ALK: variants seen among roughly 807,000 people sequenced by gnomAD.
The protein encoded by ALK is ALK receptor tyrosine kinase.
ALK carries 74 observed loss-of-function variants against 163.1 expected under a neutral mutation model. The observed-to-expected ratio is 0.45, with a 90% CI of 0.38 to 0.55. The LOEUF is 0.55. Among genes scored for constraint, ALK ranks in the 20% least tolerant of loss-of-function variants. The pLI, the probability that ALK is intolerant of heterozygous loss-of-function variation, is 0.00. For synonymous variants in ALK, 960 were observed against 843.2 expected (o/e 1.14, Z -2.40); for missense variants, 2,063 against 2,105.3 (o/e 0.98, Z 0.39).
At chr2:29,283,620 A>G (rs1665770628) in intron 9 of ALK, among the ~76,000 whole-genome samples, 3 of 152,114 alleles carry the variant, frequency 2.0e-5, no homozygotes, top group Admixed American at 6.5e-5. Context: ...AGTTTCAAAA[A>G]GTAGAGTGGA....
chr2:29,443,305 G>A (rs1670591133), intron 4 of ALK, among the ~76,000 whole-genome samples: 1 of 152,190 alleles, frequency 6.6e-6, no homozygotes, highest in Admixed American at 6.5e-5. Flanking sequence ...GAGAACCAAT[G>A]AGGAAAACAG....
intron 1 of ALK, among the ~76,000 whole-genome samples, chr2:29,729,907 A>G (rs1248155696): frequency 6.6e-6 from 1 of 152,226 alleles, no homozygotes; most frequent in Non-Finnish European, 1.5e-5. Flanking sequence ...ATTTTATTGC[A>G]TATTGGTTTG....
intron 1 of ALK, among the ~76,000 whole-genome samples, chr2:29,910,266 C>T (rs1667666799): frequency 6.6e-6 from 1 of 151,492 alleles, no homozygotes; most frequent in African/African-American, 2.4e-5. Flanking sequence ...GCACATTAGA[C>T]ACTATAGAAG....
At chr2:29,361,411 T>C (rs535437584) in intron 5 of ALK, among the ~76,000 whole-genome samples, 1 of 152,284 alleles carries the variant, frequency 6.6e-6, no homozygotes, top group South Asian at 2.1e-4. Context: ...TTCCTCCCCA[T>C]AACTGGATGC....
At chr2:29,717,368 C>A (rs1274945603) in intron 2 of ALK, among the ~76,000 whole-genome samples, 3 of 152,030 alleles carry the variant, frequency 2.0e-5, no homozygotes, top group African/African-American at 7.2e-5. Flanking sequence ...TGGCTCCCAC[C>A]AGGATACAGA....
At chr2:29,304,854 T>C (rs1666461304) in intron 8 of ALK, among the ~76,000 whole-genome samples, 1 of 152,218 alleles carries the variant, frequency 6.6e-6, no homozygotes, top group African/African-American at 2.4e-5. Context: ...AGATGAAGAA[T>C]GTGGAAGTAG....
intron 3 of ALK, among the ~76,000 whole-genome samples, chr2:29,614,052 G>C (rs965507430): frequency 1.3e-5 from 2 of 152,144 alleles, no homozygotes; most frequent in Admixed American, 1.3e-4. Context: ...AGACTCACCG[G>C]GGGCATCAGG....
chr2:29,337,250 T>A (rs1431511434), intron 5 of ALK, among the ~76,000 whole-genome samples: 1 of 152,202 alleles, frequency 6.6e-6, no homozygotes. Flanking sequence ...AGAGCTGGCA[T>A]CTTGGGTTTC....
intron 3 of ALK, among the ~76,000 whole-genome samples, chr2:29,613,371 A>G (rs1363057280): frequency 6.6e-6 from 1 of 152,166 alleles, no homozygotes; most frequent in Non-Finnish European, 1.5e-5. Flanking sequence ...GAGATTTAAC[A>G]TAATAAACTA....
chr2:29,578,967 A>C (rs1370107932), intron 3 of ALK, among the ~76,000 whole-genome samples: 2 of 152,154 alleles, frequency 1.3e-5, no homozygotes, highest in East Asian at 1.9e-4. Context: ...TGGACTGCTG[A>C]ATGGGGAGGG....
chr2:29,560,299 C>T (rs1242345334), intron 3 of ALK, among the ~76,000 whole-genome samples: 2 of 152,070 alleles, frequency 1.3e-5, no homozygotes, highest in African/African-American at 4.8e-5. Flanking sequence ...ATACATGATA[C>T]AATATATATG....
At chr2:29,592,871 A>G (rs34328925) in intron 3 of ALK, among the ~76,000 whole-genome samples, 13,326 of 152,160 alleles carry the variant, frequency 0.088, 637 homozygotes, top group African/African-American at 0.12. Context: ...AGGAACCACC[A>G]GAACTGGAAG....
intron 10 of ALK, 60 bp from the exon 11 acceptor site, chr2:29,275,287 T>C: frequency 6.2e-7 from 1 of 1,611,796 alleles, no homozygotes; most frequent in Non-Finnish European, 8.5e-7. Context: ...GGGTGAGAGA[T>C]GATTTCACAC....
At chr2:29,755,119 A>AG (rs1303047369) in intron 1 of ALK, among the ~76,000 whole-genome samples, 1 of 152,178 alleles carries the variant, frequency 6.6e-6, no homozygotes, top group Non-Finnish European at 1.5e-5. Context: ...AAGTGACAGT[A>AG]GGGGGTCAGT....
chr2:29,299,999 G>T (rs1424566425), intron 8 of ALK, among the ~76,000 whole-genome samples: 1 of 152,192 alleles, frequency 6.6e-6, no homozygotes, highest in Non-Finnish European at 1.5e-5. Context: ...TTTGAACTAG[G>T]GGCTGGCTAG....
intron 1 of ALK, among the ~76,000 whole-genome samples, chr2:29,876,619 A>C (rs1348198928): frequency 1.5e-5 from 2 of 132,252 alleles, no homozygotes; most frequent in Non-Finnish European, 3.2e-5. Context: ...AATAATGCTG[A>C]TGGTGGTGAT....
At chr2:29,513,234 A>C (rs1672572586) in intron 4 of ALK, among the ~76,000 whole-genome samples, 1 of 136,932 alleles carries the variant, frequency 7.3e-6, no homozygotes. Context: ...GCATCACACT[A>C]CCTGACTTCA....
chr2:29,216,886 GTGAT>G (rs536461399), intron 23 of ALK, among the ~76,000 whole-genome samples: 1,764 of 145,398 alleles, frequency 0.012, 13 homozygotes, highest in South Asian at 0.034. Context: ...CGTGGCATGT[GTGAT>G]TGGTTGTGAG....
At chr2:29,445,972 G>A (rs1478843911) in intron 4 of ALK, among the ~76,000 whole-genome samples, 3,023 of 148,554 alleles carry the variant, frequency 0.02, 89 homozygotes, top group African/African-American at 0.069. Context: ...AGTGGCGGGC[G>A]CCTGTAGTCC....
Sources: gnomAD v4.1 joint callset for allele counts (sites outside exome capture counted in the v4.1 genomes callset) on GRCh38, gnomAD v4.1.1 for gene constraint, MANE v1.5 for transcripts, NCBI Gene and HGNC (gene_info 2026-07-23, HGNC 2026-07-21) for gene names.